Variants in FBXO40 observed in about 807,000 individuals in gnomAD.
FBXO40 encodes the protein F-box protein 40.
A neutral mutation model predicts 49.9 loss-of-function variants in FBXO40; 50 were observed. That is an observed-to-expected ratio of 1.00 (90% CI 0.80 to 1.27). The LOEUF (loss-of-function observed/expected upper bound fraction) is 1.27, where lower values mean the gene tolerates loss of function less well. FBXO40 is among the 50% of genes most tolerant of loss of function. FBXO40 has a pLI of 0.00. For synonymous variants in FBXO40, 340 were observed against 320.2 expected (o/e 1.06, Z -0.66); for missense variants, 895 against 870.1 (o/e 1.03, Z -0.36).
intron 2 of FBXO40, among the ~76,000 whole-genome samples, chr3:121,621,119 G>A (rs2131142): frequency 0.5 from 75,937 of 152,092 alleles, 19,940 homozygotes; most frequent in African/African-American, 0.58. Flanking sequence ...AGTATTATCC[G>A]TATGATATAA....
At chr3:121,599,666 ACACACATG>A (rs1238984685) in intron 1 of FBXO40, among the ~76,000 whole-genome samples, 1 of 136,346 alleles carries the variant, frequency 7.3e-6, no homozygotes, top group African/African-American at 2.8e-5. Flanking sequence ...ACACACACAC[ACACACATG>A]CACACACACA....
chr3:121,594,541 C>T (rs1346235058), intron 1 of FBXO40, among the ~76,000 whole-genome samples: 1 of 152,182 alleles, frequency 6.6e-6, no homozygotes, highest in East Asian at 1.9e-4. Flanking sequence ...GTGATCTTTT[C>T]TCCAGTCAAC....
chr3:121,607,296 A>C (rs1447455620), intron 1 of FBXO40, among the ~76,000 whole-genome samples: 1 of 128,122 alleles, frequency 7.8e-6, no homozygotes, highest in East Asian at 2.4e-4. Context: ...AGACCTCTAA[A>C]GCTCTTTTTT....
At chr3:121,607,110 C>A (rs2108846355) in intron 1 of FBXO40, among the ~76,000 whole-genome samples, 1 of 151,822 alleles carries the variant, frequency 6.6e-6, no homozygotes, top group East Asian at 2.0e-4. Flanking sequence ...ACTAAAAATA[C>A]AAAAATTAGC....
chr3:121,599,722 ATATTTTTT>A (rs1359311617), intron 1 of FBXO40, among the ~76,000 whole-genome samples: 2 of 81,596 alleles, frequency 2.5e-5, no homozygotes, highest in African/African-American at 7.4e-5. Flanking sequence ...ATATATATAT[ATATTTTTT>A]TTTTTTTTTG....
At chr3:121,611,834 G>A (rs899331623) in intron 1 of FBXO40, among the ~76,000 whole-genome samples, 39 of 152,318 alleles carry the variant, frequency 2.6e-4, no homozygotes, top group Middle Eastern at 3.4e-3. Flanking sequence ...AGAGAATGGC[G>A]ATGACCTTTA....
rs138735736 is a variant in FBXO40, at chr3:121,621,849, C to T, written c.420C>T (p.Ser140=). The T allele has an allele frequency of 4.6e-5, 75 of 1,614,038 alleles. No homozygotes were observed. Among genetic ancestry groups the T allele is most frequent in the Non-Finnish European group, 5.8e-5 (69 of 1,180,032 alleles). Residue 140 remains serine, a synonymous_variant, in exon 3 of 4, where the codon TCC becomes TCT. Transcript: ENST00000338040. ...ALQDQKVLFR[S]LKMVELFPET... is the part of the protein sequence containing the mutation. ...AGGATCAGAAGGTCCTCTTCAGATC[C>T]TTGAAAATGGTGGAACTTTTCCCAG...
At chr3:121,594,029 C>T (rs1309170624) in intron 1 of FBXO40, among the ~76,000 whole-genome samples, 1 of 151,958 alleles carries the variant, frequency 6.6e-6, no homozygotes, top group East Asian at 1.9e-4. Context: ...CCACATCCGG[C>T]CAATTTTTGT....
intron 1 of FBXO40, among the ~76,000 whole-genome samples, chr3:121,614,022 A>G (rs1472437846): frequency 6.6e-6 from 1 of 152,112 alleles, no homozygotes; most frequent in Non-Finnish European, 1.5e-5. Flanking sequence ...TAATCCCAGC[A>G]CTTTGGGAGG....
chr3:121,606,474 T>G (rs1385413520), intron 1 of FBXO40, among the ~76,000 whole-genome samples: 1 of 152,224 alleles, frequency 6.6e-6, no homozygotes, highest in Non-Finnish European at 1.5e-5. Context: ...GACCCTTCCA[T>G]TCAAGTCTTT....
At chr3:121,620,020 T>G (rs1042567380) in intron 1 of FBXO40, among the ~76,000 whole-genome samples, 2 of 152,230 alleles carry the variant, frequency 1.3e-5, no homozygotes, top group Non-Finnish European at 2.9e-5. Context: ...TGACCCCTGC[T>G]CTAGCACAGC....
At chr3:121,604,960 T>G (rs1228080013) in intron 1 of FBXO40, among the ~76,000 whole-genome samples, 2 of 148,116 alleles carry the variant, frequency 1.4e-5, no homozygotes, top group African/African-American at 5.2e-5. Context: ...ATTTATTTAT[T>G]TATTTATTTA....
intron 1 of FBXO40, among the ~76,000 whole-genome samples, chr3:121,595,209 G>A (rs2048866027): frequency 6.6e-6 from 1 of 152,208 alleles, no homozygotes; most frequent in South Asian, 2.1e-4. Context: ...TGCTATAGGT[G>A]TCTGGGTTAT....
intron 1 of FBXO40, among the ~76,000 whole-genome samples, chr3:121,616,768 T>A (rs2048999913): frequency 1.3e-5 from 2 of 152,242 alleles, no homozygotes. Context: ...AATTTCCTTG[T>A]GGTTTAAGGC....
rs1461103736 is a variant in FBXO40, at chr3:121,627,522, G to A, written c.*612G>A. The A allele has an allele frequency of 3.2e-5, 7 of 219,180 alleles. No homozygotes were observed. The highest frequency in any genetic ancestry group is 5.8e-5 in the Admixed American group (1 of 17,178). 13.6% of individuals were successfully genotyped at this position (219,180 alleles called of 1,614,324 possible). On this transcript the variant is annotated 3_prime_UTR_variant, in exon 4 of 4. Transcript: ENST00000338040. ...GCATGGCAGCCTTGAAGACACCACA[G>A]GCCAAAACATGAGGGGCAGAAATGG...
intron 1 of FBXO40, among the ~76,000 whole-genome samples, chr3:121,599,674 GCACACA>G (rs757324448): frequency 0.12 from 11,926 of 99,558 alleles, 717 homozygotes; most frequent in South Asian, 0.15. Context: ...ACACACACAT[GCACACA>G]CACACACACA....
intron 1 of FBXO40, among the ~76,000 whole-genome samples, chr3:121,612,105 A>G (rs1023033605): frequency 2.0e-5 from 3 of 151,938 alleles, no homozygotes; most frequent in African/African-American, 4.8e-5. Flanking sequence ...TCCCTACAAT[A>G]TGTCAATGTT....
At position 121,622,291 on chromosome 3, in the gene FBXO40, GC is replaced by G; in HGVS notation, c.866del (p.Pro289LeufsTer10). 6.2e-7 allele frequency: 1 copy of G among 1,614,222 alleles called. No individual in the cohort carries two copies. The highest frequency in any genetic ancestry group is 8.5e-7 in the Non-Finnish European group (1 of 1,180,050). On this transcript the variant is annotated frameshift_variant, in exon 3 of 4. Coordinates refer to ENST00000338040, the MANE Select transcript of FBXO40 (RefSeq NM_016298.4). LOFTEE classifies it high-confidence loss of function. ...VRTAMETTGL[A>X]PWQDGVLERL... ...TACAGCCATGGAAACCACAGGGCTT[GC>G]CCCTTGGCAGGATGGTGTTCTGGAA... is the stretch of plus-strand genomic sequence containing the variant.
intron 1 of FBXO40, among the ~76,000 whole-genome samples, chr3:121,614,977 C>T (rs9831872): frequency 0.24 from 36,218 of 151,972 alleles, 5,154 homozygotes; most frequent in Admixed American, 0.37. Flanking sequence ...CCCAGCACTT[C>T]GGGAGGCCGA....
Sources: gnomAD v4.1 joint callset for allele counts (sites outside exome capture counted in the v4.1 genomes callset) on GRCh38, gnomAD v4.1.1 for gene constraint, MANE v1.5 for transcripts, NCBI Gene and HGNC (gene_info 2026-07-23, HGNC 2026-07-21) for gene names.